The following BCKDHB variants were observed in gnomAD, a reference collection of about 807,000 sequenced individuals.
The protein encoded by BCKDHB is branched chain keto acid dehydrogenase E1 subunit beta.
In BCKDHB, 41 loss-of-function variants were observed where a neutral mutation model predicts 48.5. The ratio of observed to expected loss-of-function variants is 0.85; its 90% CI spans 0.66 to 1.10. The LOEUF is 1.10. Among genes scored for constraint, BCKDHB ranks in the 50% least tolerant of loss-of-function variants. BCKDHB has a pLI of 0.00. For missense variants in BCKDHB, 496 were observed against 494.2 expected (o/e 1.00, Z -0.03); for synonymous variants, 201 against 174.8 (o/e 1.15, Z -1.18).
chr6:80,446,691 A>G, the BCKDHB span, among the ~76,000 whole-genome samples: 1 of 150,682 alleles, frequency 6.6e-6, no homozygotes, highest in Non-Finnish European at 1.5e-5. Context: ...TTTATTTTGG[A>G]GAATAAACCT....
At chr6:80,145,790 A>G (rs1329218350) in intron 3 of BCKDHB, among the ~76,000 whole-genome samples, 1 of 152,152 alleles carries the variant, frequency 6.6e-6, no homozygotes, top group Non-Finnish European at 1.5e-5. Context: ...ACCAGTGGGT[A>G]CAGGAAGTAG....
intron 9 of BCKDHB, among the ~76,000 whole-genome samples, chr6:80,273,624 A>C (rs543709358): frequency 6.6e-6 from 1 of 152,242 alleles, no homozygotes; most frequent in South Asian, 2.1e-4. Flanking sequence ...AATTGATCTT[A>C]GATTTTCACA....
At chr6:80,384,419 C>T in the BCKDHB span, among the ~76,000 whole-genome samples, 9 of 151,536 alleles carry the variant, frequency 5.9e-5, no homozygotes, top group East Asian at 1.9e-4. Context: ...AGTGCAATGG[C>T]GCGATCTTGG....
the BCKDHB span, among the ~76,000 whole-genome samples, chr6:80,366,811 C>A: frequency 6.6e-6 from 1 of 152,138 alleles, no homozygotes; most frequent in South Asian, 2.1e-4. Flanking sequence ...CTACTTTCCC[C>A]ACACTACTCT....
chr6:80,418,256 G>A, the BCKDHB span, among the ~76,000 whole-genome samples: 1 of 150,932 alleles, frequency 6.6e-6, no homozygotes, highest in Non-Finnish European at 1.5e-5. Flanking sequence ...AATGATCTTT[G>A]TTCCTATCCA....
At chr6:80,255,414 C>T (rs755419513) in intron 8 of BCKDHB, among the ~76,000 whole-genome samples, 9 of 151,916 alleles carry the variant, frequency 5.9e-5, no homozygotes, top group Non-Finnish European at 1.3e-4. Context: ...TATTTTTCTC[C>T]GTTTAAGACC....
At chr6:80,196,347 C>A (rs923826162) in intron 6 of BCKDHB, among the ~76,000 whole-genome samples, 6 of 152,098 alleles carry the variant, frequency 3.9e-5, no homozygotes, top group African/African-American at 1.4e-4. Flanking sequence ...TTTCTTGTGT[C>A]AAGTACCTCT....
At chr6:80,157,459 ATTT>A (rs36063034) in intron 3 of BCKDHB, among the ~76,000 whole-genome samples, 1 of 96,752 alleles carries the variant, frequency 1.0e-5, no homozygotes, top group Non-Finnish European at 2.0e-5. Flanking sequence ...TTGGGTGAGA[ATTT>A]TTTTTTTTTT....
At chr6:80,155,906 T>C (rs550695142) in intron 3 of BCKDHB, among the ~76,000 whole-genome samples, 4 of 151,846 alleles carry the variant, frequency 2.6e-5, no homozygotes, top group African/African-American at 9.7e-5. Context: ...GTTGTTTTTT[T>C]GGTGGGATGC....
chr6:80,125,331 G>A (rs773116019), intron 1 of BCKDHB, among the ~76,000 whole-genome samples: 5 of 152,178 alleles, frequency 3.3e-5, no homozygotes, highest in East Asian at 1.9e-4. Flanking sequence ...AGGGAATGTC[G>A]TGTGTGATTT....
At chr6:80,363,262 A>G in the BCKDHB span, among the ~76,000 whole-genome samples, 2 of 152,198 alleles carry the variant, frequency 1.3e-5, no homozygotes, top group Admixed American at 6.5e-5. Context: ...TTCTGCTGCT[A>G]TTCTACCTTT....
intron 8 of BCKDHB, among the ~76,000 whole-genome samples, chr6:80,231,105 A>G (rs940338169): frequency 3.3e-5 from 5 of 152,224 alleles, no homozygotes; most frequent in African/African-American, 9.6e-5. Flanking sequence ...AATAGATAAT[A>G]TATGGCAAGA....
chr6:80,308,977 A>G (rs994671367), intron 9 of BCKDHB, among the ~76,000 whole-genome samples: 1 of 152,110 alleles, frequency 6.6e-6, no homozygotes, highest in African/African-American at 2.4e-5. Context: ...TTTATTGTGT[A>G]CTTGCTATTA....
chr6:80,322,295 A>G (rs806849), intron 9 of BCKDHB, among the ~76,000 whole-genome samples: 51,683 of 146,166 alleles, frequency 0.35, 9,261 homozygotes, highest in African/African-American at 0.4. Flanking sequence ...CTGGAGTGCA[A>G]TGGCACAATC....
intron 5 of BCKDHB, chr6:80,169,845 G>A (rs1562105539): frequency 6.2e-7 from 1 of 1,607,760 alleles, no homozygotes; most frequent in African/African-American, 1.3e-5. Context: ...TTGAGTAGAT[G>A]TTGCCTGATT....
chr6:80,222,901 A>G (rs1775525839), intron 8 of BCKDHB, among the ~76,000 whole-genome samples: 1 of 152,174 alleles, frequency 6.6e-6, no homozygotes. Flanking sequence ...GTTACTTTAC[A>G]TAGAATTCTA....
At chr6:80,157,833 A>G (rs1299184285) in intron 3 of BCKDHB, among the ~76,000 whole-genome samples, 1 of 152,054 alleles carries the variant, frequency 6.6e-6, no homozygotes, top group African/African-American at 2.4e-5. Context: ...CAGATTTTCT[A>G]ATTGTTTAAA....
intron 3 of BCKDHB, among the ~76,000 whole-genome samples, chr6:80,139,995 A>T (rs1166835605): frequency 6.6e-6 from 1 of 152,226 alleles, no homozygotes; most frequent in African/African-American, 2.4e-5. Flanking sequence ...AGTGGTTTGT[A>T]GTTCTCCTTG....
intron 8 of BCKDHB, among the ~76,000 whole-genome samples, chr6:80,213,918 G>A (rs550676032): frequency 2.0e-4 from 31 of 152,244 alleles, no homozygotes; most frequent in Non-Finnish European, 3.7e-4. Context: ...TAAGGCCTTA[G>A]GGGAAAGGAG....
Sources: allele counts gnomAD v4.1 joint callset (sites outside exome capture counted in the v4.1 genomes callset), GRCh38; gene constraint gnomAD v4.1.1; transcripts MANE v1.5; gene names NCBI Gene and HGNC (gene_info 2026-07-23, HGNC 2026-07-21).